The following CCDC187 variants were observed in gnomAD, a reference collection of about 807,000 sequenced individuals.
The protein encoded by CCDC187 is coiled-coil domain containing 187.
In CCDC187, 32 loss-of-function variants were observed where a neutral mutation model predicts 38.0. The ratio of observed to expected loss-of-function variants is 0.84; its 90% CI spans 0.64 to 1.13. The LOEUF (loss-of-function observed/expected upper bound fraction) is 1.13. Ranked by LOEUF, CCDC187 falls within the 50% of genes most tolerant of loss-of-function variation. The pLI, the probability that CCDC187 is intolerant of heterozygous loss-of-function variation, is 0.00. For synonymous variants in CCDC187, 333 were observed against 347.9 expected (o/e 0.96, Z 0.48); for missense variants, 707 against 786.8 (o/e 0.90, Z 1.21).
At chr9:136,304,955 C>T (rs1486133565), upstream of CCDC187, among the ~76,000 whole-genome samples, 2 of 152,232 alleles carry the variant, frequency 1.3e-5, no homozygotes, top group African/African-American at 2.4e-5. Flanking sequence ...TAGAACCTGT[C>T]CTCTGGAACC....
Position 136,254,503 on chromosome 9 carries a change from G to A in CCDC187, c.5325C>T (p.Thr1775=), listed in dbSNP as rs998392750. ...DCEEDLPEPC[T]GAKPASGSSL... is the part of the protein sequence containing the mutation. ...AGCTCCCCGAGGCTGGCTTGGCCCC[G>A]GTACAGGGTTCTGGCAGGTCCTCCT... The change falls in exon 26 of 26, where the codon ACC becomes ACT. Residue 1775 remains threonine, a synonymous_variant. Transcript: ENST00000638797. 1.0e-4 allele frequency: 100 copies of A among 985,348 alleles called. No homozygotes were observed. The highest frequency in any genetic ancestry group is 1.1e-4 in the Non-Finnish European group (94 of 829,944). 61.0% of individuals were successfully genotyped at this position (985,348 alleles called of 1,614,324 possible). A position where few individuals can be genotyped will look rare whatever the true frequency, so the allele number is the denominator to read the frequency against.
chr9:136,262,473 T>A lies in CCDC187; in HGVS notation c.3913-11A>T, dbSNP rs560595870. 1.0e-6 allele frequency: 1 copy of A among 985,910 alleles called. No individual in the cohort carries two copies. The highest frequency in any genetic ancestry group is 1.7e-5 in the African/African-American group (1 of 57,340). The allele number at this position is 985,910 out of a possible 1,614,324, so 61.1% of individuals were successfully genotyped here. On this transcript the variant is annotated splice_polypyrimidine_tract_variant and intron_variant, in intron 18 of 25. Transcript: ENST00000638797. ...TTTGGGGCTGGAACCCTGTAAGAAA[T>A]GGTGCAGGAGAGCCTGGCAAGGCCA...
chr9:136,275,778 G>A (rs1021847960), intron 12 of CCDC187, among the ~76,000 whole-genome samples: 6 of 152,182 alleles, frequency 3.9e-5, no homozygotes, highest in Non-Finnish European at 7.3e-5. Flanking sequence ...AGGACGGCCC[G>A]GCAGAGGTGG....
chr9:136,293,175 T>TCACACACTCACATGCTTA lies in CCDC187; in HGVS notation c.833-881_833-880insTAAGCATGTGAGTGTGTG, dbSNP rs1588670603. Among the ~76,000 whole-genome samples, 135 of 136,348 alleles carry TCACACACTCACATGCTTA rather than the reference T, an allele frequency of 9.9e-4. 2 individuals carry two copies. The East Asian group carries it at 0.018, about 18-fold the overall frequency. The allele number at this position is 136,348 out of a possible 152,430, so 89.4% of individuals were successfully genotyped here. ...AACACATGCTCACACACTCACATGC[T>TCACACACTCACATGCTTA]CACACACACTCACATGCTCACACAC... On this transcript the variant is annotated intron_variant, in intron 4 of 25. Coordinates refer to ENST00000638797, the MANE Select transcript of CCDC187 (RefSeq NM_001378188.1).
At chr9:136,270,669 A>G (rs1170534110) in intron 14 of CCDC187, among the ~76,000 whole-genome samples, 4 of 152,156 alleles carry the variant, frequency 2.6e-5, no homozygotes, top group Admixed American at 6.6e-5. Flanking sequence ...TCCCACAAGA[A>G]GCTGGTGGAG....
In CCDC187 at chr9:136,264,614, C is replaced by G. The variant is rs1830723125; in HGVS notation, c.3736-816G>C. ...CCCAGCTCCCTTGCCTGTAATGCCCCATGCCTGACACCCCAGGTCGTAGTA... is the reference window on the plus strand; with the variant it reads ...CCCAGCTCCCTTGCCTGTAATGCCCGATGCCTGACACCCCAGGTCGTAGTA... On this transcript the variant is annotated intron_variant, in intron 17 of 25. Coordinates refer to ENST00000638797, the MANE Select transcript of CCDC187 (RefSeq NM_001378188.1). This position sits in a 1 kb window ranked among gnomAD's most constrained non-coding sequence, Gnocchi z 4.3. 6.6e-6 allele frequency among the ~76,000 whole-genome samples: 1 copy of G among 152,184 alleles called. No homozygotes were observed. The highest frequency in any genetic ancestry group is 2.4e-5 in the African/African-American group (1 of 41,446).
At chr9:136,262,597 G>A in intron 18 of CCDC187, 135 bp from the exon 19 acceptor site, 1 of 706,858 alleles carries the variant, frequency 1.4e-6, no homozygotes, top group Non-Finnish European at 1.7e-6. Context: ...CCCACTGGGT[G>A]CCAGGCTGAG....
chr9:136,269,657 T>TA (rs1188639203), intron 14 of CCDC187, among the ~76,000 whole-genome samples: 2 of 151,134 alleles, frequency 1.3e-5, no homozygotes, highest in East Asian at 1.9e-4. Flanking sequence ...AAGGAAAAAT[T>TA]AAAAAAAAGG....
chr9:136,270,484 T>A (rs1187391487), intron 14 of CCDC187, among the ~76,000 whole-genome samples: 2 of 152,150 alleles, frequency 1.3e-5, no homozygotes, highest in Non-Finnish European at 2.9e-5. Context: ...ATAAGAAAGA[T>A]CAGAGACTTT....
intron 9 of CCDC187, among the ~76,000 whole-genome samples, chr9:136,283,027 G>T (rs1404399165): frequency 1.3e-5 from 2 of 152,230 alleles, no homozygotes; most frequent in African/African-American, 4.8e-5. Context: ...GAGGTGGGCA[G>T]ATCACAAGGT....
intron 10 of CCDC187, among the ~76,000 whole-genome samples, chr9:136,276,970 A>G (rs1830944440): frequency 6.6e-6 from 1 of 151,964 alleles, no homozygotes; most frequent in Admixed American, 6.5e-5. Flanking sequence ...AGCCCCACGG[A>G]AGGACACGGA....
chr9:136,298,230 G>C (rs1831582910), intron 3 of CCDC187, among the ~76,000 whole-genome samples: 2 of 152,208 alleles, frequency 1.3e-5, no homozygotes, highest in Non-Finnish European at 2.9e-5. Flanking sequence ...CTGAATGAAT[G>C]ACTGGACGGG....
At chr9:136,278,868 A>G (rs1830983158) in intron 10 of CCDC187, among the ~76,000 whole-genome samples, 1 of 152,268 alleles carries the variant, frequency 6.6e-6, no homozygotes, top group Non-Finnish European at 1.5e-5. Context: ...CTTGACAGCC[A>G]CATGTGGCTG....
intron 4 of CCDC187, among the ~76,000 whole-genome samples, chr9:136,293,450 TGCTCACACTCACAC>T (rs1831423374): frequency 2.8e-5 from 1 of 35,150 alleles, no homozygotes; most frequent in Non-Finnish European, 6.2e-5. Context: ...CACTCACACA[TGCTCACACTCACAC>T]TCACATGCTC....
intron 9 of CCDC187, among the ~76,000 whole-genome samples, chr9:136,285,309 T>C (rs1387394414): frequency 1.3e-5 from 2 of 152,102 alleles, no homozygotes; most frequent in African/African-American, 2.4e-5. Context: ...GGGGCTTCCC[T>C]GCCCCGGCCA....
At chr9:136,285,095 G>A (rs1270326725) in intron 9 of CCDC187, among the ~76,000 whole-genome samples, 1 of 151,970 alleles carries the variant, frequency 6.6e-6, no homozygotes, top group African/African-American at 2.4e-5. Context: ...AGCCCGTGCT[G>A]GGGATGGGAG....
chr9:136,295,004 G>T (rs1831500160), intron 4 of CCDC187, among the ~76,000 whole-genome samples: 6 of 152,216 alleles, frequency 3.9e-5, no homozygotes. Flanking sequence ...GTAAAATGGG[G>T]TGCCTATCTC....
rs372561024 is a variant in CCDC187 at position 136,266,023 on chromosome 9, T to G, written c.3668A>C (p.Asp1223Ala). The G allele has an allele frequency of 9.1e-6, 9 of 985,536 alleles. No homozygotes were observed. In the African/African-American group the frequency reaches 1.4e-4, roughly 15 times the overall value. 61.0% of individuals were successfully genotyped at this position (985,536 alleles called of 1,614,324 possible). The change falls in exon 17 of 26, where the codon GAC (aspartate) becomes GCC (alanine). Residue 1223 changes from aspartate to alanine, a missense_variant. Transcript: ENST00000638797. ...AACCAGCGCGGCCAGCACAGCTCTG[T>G]CCCTCTTGCTGTCCAGGCACCTGGG... is the stretch of plus-strand genomic sequence containing the variant. ...HRRGCLDSKRDRAVLAALVEK... is the reference protein window; with the variant it reads ...HRRGCLDSKRARAVLAALVEK...
chr9:136,268,130 G>A lies in CCDC187; in HGVS notation c.3443-5C>T. ...CTCCGTCAGGGCCCTCCACCTCTGAGGAAGGAAGCGCCATGGTTGGGTCAT... is the reference window on the plus strand; with the variant it reads ...CTCCGTCAGGGCCCTCCACCTCTGAAGAAGGAAGCGCCATGGTTGGGTCAT... On this transcript the variant is annotated splice_region_variant and splice_polypyrimidine_tract_variant and intron_variant, in intron 14 of 25. Transcript: ENST00000638797. 2 of 985,528 alleles carry A rather than the reference G, an allele frequency of 2.0e-6. No individual in the cohort carries two copies. The highest frequency in any genetic ancestry group is 2.4e-6 in the Non-Finnish European group (2 of 829,968). The allele number at this position is 985,528 out of a possible 1,614,324, so 61.0% of individuals were successfully genotyped here. A position where few individuals can be genotyped will look rare whatever the true frequency, so the allele number is the denominator to read the frequency against.
Sources: allele counts gnomAD v4.1 joint callset (sites outside exome capture counted in the v4.1 genomes callset), GRCh38; gene constraint gnomAD v4.1.1; non-coding constraint Gnocchi (gnomAD v3.1); transcripts MANE v1.5; gene names NCBI Gene and HGNC (gene_info 2026-07-23, HGNC 2026-07-21).